Variants in LRIF1 observed in about 807,000 individuals in gnomAD.
LRIF1 encodes ligand-dependent nuclear receptor-interacting factor 1.
Under a neutral mutation model 52.7 loss-of-function variants are expected in LRIF1, and 32 were observed. The ratio of observed to expected loss-of-function variants is 0.61; its 90% CI spans 0.46 to 0.82. The LOEUF (loss-of-function observed/expected upper bound fraction) is 0.82. LRIF1 is among the 40% of genes least tolerant of loss of function. The pLI, the probability that LRIF1 is intolerant of heterozygous loss-of-function variation, is 0.00. For missense variants in LRIF1, 887 were observed against 892.0 expected (o/e 0.99, Z 0.07); for synonymous variants, 323 against 317.4 (o/e 1.02, Z -0.19).
In LRIF1 at chr1:110,948,080, G is replaced by C. The variant is rs773825411; in HGVS notation, c.2189C>G (p.Pro730Arg). 8 of 1,613,946 alleles carry C rather than the reference G, an allele frequency of 5.0e-6. No homozygotes were observed. The highest frequency in any genetic ancestry group is 1.7e-4 in the Middle Eastern group (1 of 6,060). Reference protein sequence around the residue: ...FNKNYTEDIFPVTPPELEETI... With the variant: ...FNKNYTEDIFRVTPPELEETI... ...TTCTTCTAACTCCGGTGGTGTCACT[G>C]GGAAAATATCTTCGGTATAATTTTT... Residue 730 changes from proline to arginine, a missense_variant, in exon 4 of 4, where the codon CCA becomes CGA. Pro to Arg is a moderately radical substitution (Grantham distance 103). Transcript: ENST00000369763.
rs1658502087 is a variant in LRIF1 at position 110,952,052 on chromosome 1, A to T, written c.832T>A (p.Leu278Met). Residue 278 changes from leucine (L) to methionine (M), a missense_variant, in exon 2 of 4, where the codon TTG becomes ATG. Physicochemically the swap from Leu to Met is conservative, Grantham distance 15. Transcript: ENST00000369763. ...GCTTGAGAATGCTGACCACCTTTCA[A>T]TTGTGTCTCTGTAGCAACATTCTTT... ...IPKNVATETQ[L>M]KGGQHSQAAP... The T allele has an allele frequency of 6.2e-7, 1 of 1,614,054 alleles. No individual in the cohort carries two copies. Among genetic ancestry groups the T allele is most frequent in the Non-Finnish European group, 8.5e-7 (1 of 1,180,034 alleles).
chr1:110,951,168 G>C (rs1658456033), intron 2 of LRIF1, 120 bp downstream of exon 2: 1 of 790,330 alleles, frequency 1.3e-6, no homozygotes, highest in Admixed American at 2.6e-5. Context: ...TATGTGTATA[G>C]TCTGTGTGTG....
In LRIF1 at chr1:110,948,377, TTTC is replaced by T. The variant is rs779033999; in HGVS notation, c.1889_1891del (p.Arg630del). On this transcript the variant is annotated inframe_deletion, in exon 4 of 4. Transcript: ENST00000369763. ...ATCCATCTTCTTATTAGTTTTTGCT[TTTC>T]TTTTCTTATCAAAATTCTGCTGCAA... 38 of 1,610,668 alleles carry T rather than the reference TTTC, an allele frequency of 2.4e-5. No homozygotes were observed. The highest frequency in any genetic ancestry group is 3.0e-5 in the Non-Finnish European group (35 of 1,178,358).
At chr1:110,925,270 T>C in the LRIF1 span, among the ~76,000 whole-genome samples, 435 of 152,302 alleles carry the variant, frequency 2.9e-3, 1 homozygote, top group African/African-American at 1.0e-2. Context: ...CTGACCTTCC[T>C]CAAAGAGGGA....
At chr1:110,913,954 C>T in the LRIF1 span, among the ~76,000 whole-genome samples, 2 of 152,120 alleles carry the variant, frequency 1.3e-5, no homozygotes, top group Non-Finnish European at 2.9e-5. Flanking sequence ...TGGAATACAA[C>T]ACAACCATAA....
chr1:110,945,348 T>C (rs1391928874), downstream of LRIF1, among the ~76,000 whole-genome samples: 1 of 152,194 alleles, frequency 6.6e-6, no homozygotes, highest in Non-Finnish European at 1.5e-5. Flanking sequence ...TTTTGCTTGC[T>C]ATATTTTCAA....
At chr1:110,928,307 A>G in the LRIF1 span, among the ~76,000 whole-genome samples, 8 of 152,204 alleles carry the variant, frequency 5.3e-5, no homozygotes, top group Admixed American at 5.2e-4. Flanking sequence ...GTGGCTATGT[A>G]ACACAGTTTT....
intron 1 of LRIF1, among the ~76,000 whole-genome samples, chr1:110,959,458 A>C (rs907947979): frequency 6.6e-6 from 1 of 152,154 alleles, no homozygotes; most frequent in African/African-American, 2.4e-5. Flanking sequence ...TTAAAAATGT[A>C]ATGAGAAATA....
At chr1:110,895,807 AT>A in the LRIF1 span, among the ~76,000 whole-genome samples, 1 of 152,132 alleles carries the variant, frequency 6.6e-6, no homozygotes, top group African/African-American at 2.4e-5. Flanking sequence ...AATAGTTAAC[AT>A]TTTCCAGTGT....
Position 110,952,543 on chromosome 1 carries a change from G to A in LRIF1, c.341C>T (p.Thr114Ile), listed in dbSNP as rs778536278. Reference sequence around the variant, plus strand: ...AGAAGTAACTCTACCTTTTTCTGATGTATCTACTGTTCTTGTAAGAAAATA... The same window carrying A: ...AGAAGTAACTCTACCTTTTTCTGATATATCTACTGTTCTTGTAAGAAAATA... ...SNYFLTRTVD[T>I]SEKGRVTSVG... The change falls in exon 2 of 4, where the codon ACA becomes ATA. Residue 114 changes from threonine to isoleucine, a missense_variant. Coordinates refer to ENST00000369763, the MANE Select transcript of LRIF1 (RefSeq NM_018372.4). The A allele has an allele frequency of 1.9e-5, 30 of 1,613,966 alleles. No homozygotes were observed. The highest frequency in any genetic ancestry group is 2.4e-5 in the Non-Finnish European group (28 of 1,179,858).
At chr1:110,933,681 G>A in the LRIF1 span, among the ~76,000 whole-genome samples, 1 of 152,172 alleles carries the variant, frequency 6.6e-6, no homozygotes, top group Non-Finnish European at 1.5e-5. Context: ...CCCAGAGGTC[G>A]AAACTTGAGT....
the LRIF1 span, among the ~76,000 whole-genome samples, chr1:110,927,139 C>T: frequency 8.7e-3 from 1,321 of 152,136 alleles, 20 homozygotes; most frequent in African/African-American, 0.03. Flanking sequence ...GTTTGAAAGG[C>T]GAAATTCTAA....
At chr1:110,926,156 T>G in the LRIF1 span, among the ~76,000 whole-genome samples, 6 of 152,044 alleles carry the variant, frequency 3.9e-5, no homozygotes, top group African/African-American at 1.2e-4. Context: ...ATTCTAAAAT[T>G]TATATGGAAA....
the LRIF1 span, among the ~76,000 whole-genome samples, chr1:110,931,085 T>G: frequency 6.6e-6 from 1 of 152,104 alleles, no homozygotes; most frequent in Admixed American, 6.5e-5. Context: ...GCTGCATCCA[T>G]CAACTCGTCA....
chr1:110,909,909 C>T, the LRIF1 span, among the ~76,000 whole-genome samples: 456 of 152,118 alleles, frequency 3.0e-3, 2 homozygotes, highest in African/African-American at 0.011. Context: ...TCAGACAAAA[C>T]AGACTTTAAA....
chr1:110,883,582 C>T, the LRIF1 span, among the ~76,000 whole-genome samples: 1 of 151,896 alleles, frequency 6.6e-6, no homozygotes, highest in African/African-American at 2.4e-5. Flanking sequence ...AGAGTGTACC[C>T]TCCTTTTCTA....
At chr1:110,932,134 T>G in the LRIF1 span, among the ~76,000 whole-genome samples, 1 of 152,238 alleles carries the variant, frequency 6.6e-6, no homozygotes, top group South Asian at 2.1e-4. Flanking sequence ...ATTTAAGTCT[T>G]CAATCCATTT....
chr1:110,946,858 T>C (rs560957317), downstream of LRIF1, among the ~76,000 whole-genome samples: 1 of 152,270 alleles, frequency 6.6e-6, no homozygotes, highest in East Asian at 1.9e-4. Flanking sequence ...GGTTTCGCCA[T>C]GTTGGCCAGG....
chr1:110,887,265 C>T, the LRIF1 span, among the ~76,000 whole-genome samples: 3 of 152,082 alleles, frequency 2.0e-5, no homozygotes, highest in South Asian at 6.2e-4. Context: ...GGGGTTTCAC[C>T]GTGTTAGCCA....
Sources: allele counts gnomAD v4.1 joint callset (sites outside exome capture counted in the v4.1 genomes callset), GRCh38; gene constraint gnomAD v4.1.1; transcripts MANE v1.5; gene names NCBI Gene and HGNC (gene_info 2026-07-23, HGNC 2026-07-21).